The following SBF2 variants were observed in gnomAD, a reference collection of about 807,000 sequenced individuals.
SBF2 encodes the protein myotubularin-related protein 13.
In SBF2, 112 loss-of-function variants were observed where a neutral mutation model predicts 225.2. The observed-to-expected ratio is 0.50, with a 90% CI of 0.43 to 0.58. The LOEUF is 0.58. SBF2 is among the 20% of genes least tolerant of loss of function. The probability of loss-of-function intolerance (pLI) is 0.00; values close to 1 mark genes in which losing one functional copy is unlikely to be tolerated. For synonymous variants in SBF2, 763 were observed against 773.3 expected, an observed-to-expected ratio of 0.99 and a Z score of 0.22; for missense variants, 1,996 against 2,206.2, an observed-to-expected ratio of 0.90 and a Z score of 1.91.
intron 1 of SBF2, among the ~76,000 whole-genome samples, chr11:10,212,094 T>C (rs1246013917): frequency 6.6e-6 from 1 of 152,192 alleles, no homozygotes; most frequent in Non-Finnish European, 1.5e-5. Context: ...AAAAAGAACT[T>C]TGGGAGGTTA....
Position 10,100,441 on chromosome 11 carries a change from C to T in SBF2, c.142-57460G>A, listed in dbSNP as rs182983226. 2.6e-5 allele frequency among the ~76,000 whole-genome samples: 4 copies of T among 152,328 alleles called. No homozygotes were observed. The East Asian group carries it at 5.8e-4, about 22-fold the overall frequency. ...GGCCACAGTTGTCTTGGACTGGGGG[C>T]TGATTCTGGCAATCTCTCTACTGGC... On this transcript the variant is annotated intron_variant, in intron 2 of 39. Coordinates refer to ENST00000256190, the MANE Select transcript of SBF2 (RefSeq NM_030962.4).
At chr11:10,126,047 GT>G (rs1434105233) in intron 2 of SBF2, among the ~76,000 whole-genome samples, 1 of 152,110 alleles carries the variant, frequency 6.6e-6, no homozygotes, top group Non-Finnish European at 1.5e-5. Context: ...TGGTTACTTA[GT>G]TTTTAACAGT....
At position 10,271,910 on chromosome 11, in the gene SBF2, T is replaced by C. The variant is rs181226550; in HGVS notation, c.55+22105A>G. 113 of 417,150 alleles carry C rather than the reference T, an allele frequency of 2.7e-4. 30 individuals are homozygous for C. Among genetic ancestry groups the C allele is most frequent in the African/African-American group, 2.0e-3 (90 of 45,912 alleles). The allele number at this position is 417,150 out of a possible 1,614,324, so 25.8% of individuals were successfully genotyped here. A position where few individuals can be genotyped will look rare whatever the true frequency, so the allele number is the denominator to read the frequency against. On this transcript the variant is annotated intron_variant, in intron 1 of 39. Coordinates refer to ENST00000256190, the MANE Select transcript of SBF2 (RefSeq NM_030962.4). ...ACTCAAGTAGAAACTCATGAATATCTGTGATTTTGGCTATAGGACCAGGCC... is the reference window on the plus strand; with the variant it reads ...ACTCAAGTAGAAACTCATGAATATCCGTGATTTTGGCTATAGGACCAGGCC...
intron 16 of SBF2, among the ~76,000 whole-genome samples, chr11:9,950,221 C>T (rs1865781584): frequency 6.6e-6 from 1 of 152,028 alleles, no homozygotes; most frequent in Admixed American, 6.6e-5. Context: ...AGTCCAATCT[C>T]CCTGACAATG....
At chr11:9,898,826 A>G (rs1340214550) in intron 16 of SBF2, among the ~76,000 whole-genome samples, 1 of 152,230 alleles carries the variant, frequency 6.6e-6, no homozygotes, top group African/African-American at 2.4e-5. Context: ...CCTATTGAAT[A>G]AACATTTATT....
intron 2 of SBF2, among the ~76,000 whole-genome samples, chr11:10,191,196 C>T (rs889248061): frequency 2.0e-5 from 3 of 152,098 alleles, no homozygotes; most frequent in Non-Finnish European, 4.4e-5. Flanking sequence ...CACGACTACA[C>T]TGGAAACAAC....
intron 16 of SBF2, among the ~76,000 whole-genome samples, chr11:9,910,895 A>G (rs535923462): frequency 6.7e-6 from 1 of 148,782 alleles, no homozygotes; most frequent in African/African-American, 2.5e-5. Flanking sequence ...AAATACAAAA[A>G]AAAAAAAAAA....
intron 2 of SBF2, among the ~76,000 whole-genome samples, chr11:10,045,104 G>C (rs1949801727): frequency 6.6e-6 from 1 of 152,016 alleles, no homozygotes; most frequent in African/African-American, 2.4e-5. Context: ...AGTCATGAAG[G>C]CCCTTCGTGA....
At chr11:10,045,244 T>C (rs903893202) in intron 2 of SBF2, among the ~76,000 whole-genome samples, 1 of 151,816 alleles carries the variant, frequency 6.6e-6, no homozygotes, top group African/African-American at 2.4e-5. Context: ...CTTGGCTCAC[T>C]GCAACCTCCG....
At chr11:10,190,989 A>C (rs1375452207) in intron 2 of SBF2, among the ~76,000 whole-genome samples, 3 of 152,200 alleles carry the variant, frequency 2.0e-5, no homozygotes, top group African/African-American at 7.2e-5. Flanking sequence ...GTTAGATCTC[A>C]GTAAAGTTAT....
Position 9,986,265 on chromosome 11 carries a change from C to G in SBF2, c.1395+3232G>C, listed in dbSNP as rs372558576. On this transcript the variant is annotated intron_variant, in intron 13 of 39. Transcript: ENST00000256190. The stretch of plus-strand genomic sequence containing the variant: ...ATAATGACACAACCTATCAAAACCT[C>G]TGGGATACAGCAAAGGCGGTGCTAA... Among the ~76,000 whole-genome samples the G allele has an allele frequency of 3.1e-4, 47 of 152,260 alleles. No individual in the cohort carries two copies. In the South Asian group the frequency reaches 9.3e-3, roughly 30 times the overall value.
chr11:9,885,396 T>C (rs768543293), intron 17 of SBF2, among the ~76,000 whole-genome samples: 2 of 151,938 alleles, frequency 1.3e-5, no homozygotes, highest in Non-Finnish European at 2.9e-5. Flanking sequence ...AAAAATATTA[T>C]TAAAAACTTA....
Position 10,175,538 on chromosome 11 carries a change from C to T in SBF2, c.141+18364G>A, listed in dbSNP as rs1956424989. Reference sequence around the variant, plus strand: ...AAGTCCTGAGCGACCTACAAAGAGACTTAGACTCCCACACAATAATAATGG... The same window carrying T: ...AAGTCCTGAGCGACCTACAAAGAGATTTAGACTCCCACACAATAATAATGG... On this transcript the variant is annotated intron_variant, in intron 2 of 39. Transcript: ENST00000256190. Among the ~76,000 whole-genome samples, 5 of 151,880 alleles carry T rather than the reference C, an allele frequency of 3.3e-5. No homozygotes were observed. The South Asian group carries it at 6.3e-4, about 19-fold the overall frequency.
chr11:9,942,919 G>GAAAGAAAGAA (rs1159292121), intron 16 of SBF2, among the ~76,000 whole-genome samples: 1 of 112,168 alleles, frequency 8.9e-6, no homozygotes, highest in Non-Finnish European at 1.9e-5. Context: ...AAGAAAGAAA[G>GAAAGAAAGAA]AAAGAAAGAA....
At chr11:10,171,479 GA>G (rs1430166622) in intron 2 of SBF2, among the ~76,000 whole-genome samples, 2 of 152,128 alleles carry the variant, frequency 1.3e-5, no homozygotes, top group East Asian at 3.9e-4. Flanking sequence ...GTATCCCTGG[GA>G]TAAATCCTAC....
intron 16 of SBF2, among the ~76,000 whole-genome samples, chr11:9,907,432 C>T (rs6483805): frequency 0.59 from 89,911 of 152,028 alleles, 26,980 homozygotes; most frequent in African/African-American, 0.65. Context: ...CATGCTTTCT[C>T]CTTGGTATTT....
intron 21 of SBF2, 30 bp downstream of exon 21, chr11:9,852,646 A>G: frequency 6.6e-7 from 1 of 1,526,078 alleles, no homozygotes; most frequent in Non-Finnish European, 9.1e-7. Context: ...AAGAGAGGCT[A>G]TACCCTGAAA....
At chr11:9,852,813 G>A in intron 20 of SBF2, 64 bp from the exon 21 acceptor site, 1 of 1,216,000 alleles carries the variant, frequency 8.2e-7, no homozygotes, top group Non-Finnish European at 1.2e-6. Context: ...ACAAATTCTG[G>A]ATATTTTAGA....
chr11:9,842,334 A>T (rs1434372341), intron 25 of SBF2, among the ~76,000 whole-genome samples: 1 of 152,140 alleles, frequency 6.6e-6, no homozygotes, highest in Non-Finnish European at 1.5e-5. Context: ...TCTATACCTA[A>T]ATTTCCCATG....
Sources: allele counts gnomAD v4.1 joint callset (sites outside exome capture counted in the v4.1 genomes callset), GRCh38; gene constraint gnomAD v4.1.1; transcripts MANE v1.5; gene names NCBI Gene and HGNC (gene_info 2026-07-23, HGNC 2026-07-21).